The following SLCO3A1 variants were observed in gnomAD, a reference collection of about 807,000 sequenced individuals.
SLCO3A1 encodes the protein solute carrier organic anion transporter family member 3A1.
Under a neutral mutation model 63.1 loss-of-function variants are expected in SLCO3A1, and 27 were observed. The observed-to-expected ratio is 0.43, with a 90% CI of 0.32 to 0.59. The LOEUF is 0.59. Among genes scored for constraint, SLCO3A1 ranks in the 20% least tolerant of loss-of-function variants. SLCO3A1 has a pLI of 0.09. For synonymous variants in SLCO3A1, 473 were observed against 409.9 expected, an observed-to-expected ratio of 1.15 and a Z score of -1.86; for missense variants, 773 against 945.8, an observed-to-expected ratio of 0.82 and a Z score of 2.40.
Position 92,015,542 on chromosome 15 carries a change from A to G in SLCO3A1, c.647-79339A>G, listed in dbSNP as rs1055090296. On this transcript the variant is annotated intron_variant, in intron 2 of 9. Coordinates refer to ENST00000318445, the MANE Select transcript of SLCO3A1 (RefSeq NM_013272.4). ...CCTACCCAGGTCTCTCCCTTGACAC[A>G]TGGGGATTACATTTCAAGATGAGAT... Among the ~76,000 whole-genome samples, 3 of 152,040 alleles carry G rather than the reference A, an allele frequency of 2.0e-5. No individual in the cohort carries two copies. The East Asian group carries it at 5.8e-4, about 29-fold the overall frequency.
At chr15:91,926,629 A>G (rs1899042189) in intron 2 of SLCO3A1, among the ~76,000 whole-genome samples, 1 of 116,694 alleles carries the variant, frequency 8.6e-6, no homozygotes, top group African/African-American at 3.6e-5. Flanking sequence ...ATTTTAAACC[A>G]CATAATAGAC....
chr15:92,155,918 A>C (rs144801718), intron 9 of SLCO3A1, among the ~76,000 whole-genome samples: 12 of 152,120 alleles, frequency 7.9e-5, no homozygotes, highest in African/African-American at 2.7e-4. Context: ...CAAACTCCCC[A>C]CATACACTGA....
intron 2 of SLCO3A1, among the ~76,000 whole-genome samples, chr15:92,087,516 A>ATTTTT (rs34074469): frequency 8.2e-6 from 1 of 121,764 alleles, no homozygotes; most frequent in Non-Finnish European, 1.7e-5. Context: ...ATTATCTATT[A>ATTTTT]TTTTTTTTTT....
At position 91,894,889 on chromosome 15, in the gene SLCO3A1, G is replaced by T. The variant is rs575668712; in HGVS notation, c.181-21104G>T. On this transcript the variant is annotated intron_variant, in intron 1 of 9. Transcript: ENST00000318445. This position sits in a 1 kb window ranked among gnomAD's most constrained non-coding sequence, Gnocchi z 4.8. The stretch of plus-strand genomic sequence containing the variant: ...AGTGCGTAGAAGCAGGTTGTAGCTC[G>T]CCTGCAAGAACTCTCAAGAATCAAG... Among the ~76,000 whole-genome samples, 2 of 152,138 alleles carry T rather than the reference G, an allele frequency of 1.3e-5. No homozygotes were observed. The highest frequency in any genetic ancestry group is 1.3e-4 in the Admixed American group (2 of 15,270).
intron 2 of SLCO3A1, among the ~76,000 whole-genome samples, chr15:91,976,798 A>G (rs892058020): frequency 3.9e-5 from 6 of 152,308 alleles, no homozygotes; most frequent in African/African-American, 7.2e-5. Flanking sequence ...GGGAGTTTCA[A>G]AAGGGGAGGG....
In SLCO3A1 at chr15:91,954,576, G is replaced by A. The variant is rs1792109135; in HGVS notation, c.646+38118G>A. On this transcript the variant is annotated intron_variant, in intron 2 of 9. Transcript: ENST00000318445. This position sits in a 1 kb window ranked among gnomAD's most constrained non-coding sequence, Gnocchi z 4.7. ...GCTTTCCTGAGAAGTGAATCCAGGC[G>A]CAGAAGGAAGAGGAAGTGGAAGTTG... Among the ~76,000 whole-genome samples, 1 of 152,152 alleles carries A rather than the reference G, an allele frequency of 6.6e-6. No homozygotes were observed. Among genetic ancestry groups the A allele is most frequent in the Non-Finnish European group, 1.5e-5 (1 of 68,028 alleles).
chr15:92,109,593 A>G (rs2047704929), intron 4 of SLCO3A1, among the ~76,000 whole-genome samples: 1 of 152,190 alleles, frequency 6.6e-6, no homozygotes, highest in African/African-American at 2.4e-5. Context: ...AGAGAGGGCA[A>G]TCAAAAGCTG....
At chr15:91,933,558 A>G (rs1274370446) in intron 2 of SLCO3A1, among the ~76,000 whole-genome samples, 1 of 152,266 alleles carries the variant, frequency 6.6e-6, no homozygotes, top group Non-Finnish European at 1.5e-5. Flanking sequence ...ATTGCAGTAT[A>G]TAAAGGATCA....
At chr15:92,076,366 C>T (rs1318981358) in intron 2 of SLCO3A1, among the ~76,000 whole-genome samples, 1 of 118,308 alleles carries the variant, frequency 8.5e-6, no homozygotes, top group African/African-American at 2.6e-5. Flanking sequence ...GGAGGGATTT[C>T]TGCTGATGCA....
At chr15:91,936,328 A>T (rs1186739159) in intron 2 of SLCO3A1, among the ~76,000 whole-genome samples, 1 of 152,266 alleles carries the variant, frequency 6.6e-6, no homozygotes, top group African/African-American at 2.4e-5. Flanking sequence ...CCAATATGGC[A>T]TCCACTAACC....
rs951922078 is a variant in SLCO3A1 at position 91,886,693 on chromosome 15, C to G, written c.181-29300C>G. On this transcript the variant is annotated intron_variant, in intron 1 of 9. Coordinates refer to ENST00000318445, the MANE Select transcript of SLCO3A1 (RefSeq NM_013272.4). The surrounding 1 kb of genome is among the most constrained non-coding windows in gnomAD (Gnocchi z 4.9). ...CAGGCTTTGCTTTCAAGACTTCACA[C>G]TGACTACATCAATCTGAATAATCGA... 6.6e-6 allele frequency among the ~76,000 whole-genome samples: 1 copy of G among 152,196 alleles called. No homozygotes were observed. The highest frequency in any genetic ancestry group is 1.5e-5 in the Non-Finnish European group (1 of 68,034).
Position 91,860,441 on chromosome 15 carries a change from C to T in SLCO3A1, c.180+6353C>T, listed in dbSNP as rs1002612934. On this transcript the variant is annotated intron_variant, in intron 1 of 9. Coordinates refer to ENST00000318445, the MANE Select transcript of SLCO3A1 (RefSeq NM_013272.4). The surrounding 1 kb of genome is among the most constrained non-coding windows in gnomAD (Gnocchi z 5.5). ...AATAGTCATGTGATAGAGTACTTCT[C>T]ATAGGGTACAGTATTCCACAGTTGC... Among the ~76,000 whole-genome samples the T allele has an allele frequency of 1.3e-5, 2 of 152,200 alleles. No homozygotes were observed. The highest frequency in any genetic ancestry group is 4.8e-5 in the African/African-American group (2 of 41,456).
Position 92,129,627 on chromosome 15 carries a change from A to G in SLCO3A1, c.1512+1138A>G, listed in dbSNP as rs187122752. ...GCCAGCACCCAGAAGTACTCCATGAATGTCTGTGCAAGGCATAGTGGGAAG... is the reference window on the plus strand; with the variant it reads ...GCCAGCACCCAGAAGTACTCCATGAGTGTCTGTGCAAGGCATAGTGGGAAG... On this transcript the variant is annotated intron_variant, in intron 7 of 9. Coordinates refer to ENST00000318445, the MANE Select transcript of SLCO3A1 (RefSeq NM_013272.4). Among the ~76,000 whole-genome samples the G allele has an allele frequency of 3.9e-5, 6 of 152,322 alleles. No individual in the cohort carries two copies. The East Asian group carries it at 1.2e-3, about 29-fold the overall frequency.
At chr15:92,161,927 C>G (rs2048443446) in intron 9 of SLCO3A1, 1 of 130,094 alleles carries the variant, frequency 7.7e-6, no homozygotes, top group African/African-American at 3.0e-5. Context: ...TTGCAGTTTC[C>G]TCTATGGAAC....
intron 2 of SLCO3A1, among the ~76,000 whole-genome samples, chr15:92,032,128 C>T (rs1428695876): frequency 6.6e-6 from 1 of 152,188 alleles, no homozygotes; most frequent in Non-Finnish European, 1.5e-5. Flanking sequence ...AGTGTCGGGT[C>T]TCTGCTATAG....
At chr15:92,090,143 C>T (rs926500718) in intron 2 of SLCO3A1, among the ~76,000 whole-genome samples, 4 of 152,184 alleles carry the variant, frequency 2.6e-5, no homozygotes, top group African/African-American at 2.4e-5. Flanking sequence ...TTGCCACCCT[C>T]ATTTTCTGTG....
intron 1 of SLCO3A1, among the ~76,000 whole-genome samples, chr15:91,871,274 G>A (rs1897272766): frequency 6.6e-6 from 1 of 152,188 alleles, no homozygotes; most frequent in Non-Finnish European, 1.5e-5. Flanking sequence ...CAGGTCGTAT[G>A]CTGGGTGCTG....
intron 2 of SLCO3A1, among the ~76,000 whole-genome samples, chr15:91,985,092 C>A (rs906295609): frequency 2.0e-5 from 3 of 152,140 alleles, no homozygotes; most frequent in Non-Finnish European, 4.4e-5. Flanking sequence ...ATTCCCAAAG[C>A]CCCCATCGTG....
Position 92,164,365 on chromosome 15 carries a change from A to C in SLCO3A1, c.*1230A>C, listed in dbSNP as rs16946476. On this transcript the variant is annotated 3_prime_UTR_variant, in exon 10 of 10. Transcript: ENST00000318445. ...TGTATATGCAGCCTGCCTTTAAAAG[A>C]ATCACATTTGAGACAACAGGGGATA... 6,063 of 985,420 alleles carry C rather than the reference A, an allele frequency of 6.2e-3. 270 individuals carry two copies. In the African/African-American group the frequency reaches 0.097, roughly 16 times the overall value. 61.0% of individuals were successfully genotyped at this position (985,420 alleles called of 1,614,324 possible).
Sources: allele counts gnomAD v4.1 joint callset (sites outside exome capture counted in the v4.1 genomes callset), GRCh38; gene constraint gnomAD v4.1.1; non-coding constraint Gnocchi (gnomAD v3.1); transcripts MANE v1.5; gene names NCBI Gene and HGNC (gene_info 2026-07-23, HGNC 2026-07-21).